Variants in RAD51B observed in about 807,000 individuals in gnomAD.
The protein encoded by RAD51B is RAD51 paralog B.
Under a neutral mutation model 42.2 loss-of-function variants are expected in RAD51B, and 38 were observed. The ratio of observed to expected loss-of-function variants is 0.90; its 90% CI spans 0.70 to 1.18. RAD51B has a LOEUF of 1.18. Ranked by LOEUF, RAD51B falls within the 50% of genes most tolerant of loss-of-function variation. The probability of loss-of-function intolerance (pLI) is 0.00; values close to 1 mark genes in which losing one functional copy is unlikely to be tolerated. For synonymous variants in RAD51B, 154 were observed against 145.2 expected, an observed-to-expected ratio of 1.06 and a Z score of -0.43; for missense variants, 373 against 400.7, an observed-to-expected ratio of 0.93 and a Z score of 0.59.
At chr14:68,170,082 T>A (rs942968485) in intron 7 of RAD51B, among the ~76,000 whole-genome samples, 9 of 152,186 alleles carry the variant, frequency 5.9e-5, no homozygotes, top group Non-Finnish European at 8.8e-5. Flanking sequence ...TTCTGACTTC[T>A]CCATTAGGGA....
At chr14:68,477,458 G>A (rs1173840549) in intron 10 of RAD51B, among the ~76,000 whole-genome samples, 190 bp from the exon 11 acceptor site, 1 of 152,122 alleles carries the variant, frequency 6.6e-6, no homozygotes, top group Non-Finnish European at 1.5e-5. Context: ...CCAGGGCTGC[G>A]GGACCCTAAC....
chr14:68,595,067 T>C, exon 11 of RAD51B: 1 of 1,069,010 alleles, frequency 9.4e-7, no homozygotes, highest in Non-Finnish European at 1.1e-6. Context: ...TCAGTGCTCC[T>C]GAGCCGATGC....
intron 7 of RAD51B, among the ~76,000 whole-genome samples, chr14:67,964,590 G>GT (rs980098581): frequency 1.3e-5 from 2 of 152,074 alleles, no homozygotes; most frequent in Admixed American, 1.3e-4. Context: ...TCCTCCTAAG[G>GT]TTTTTTAACA....
chr14:67,981,959 C>T (rs530797140), intron 7 of RAD51B, among the ~76,000 whole-genome samples: 17 of 152,242 alleles, frequency 1.1e-4, no homozygotes, highest in Non-Finnish European at 2.4e-4. Flanking sequence ...ATTTTTGAGA[C>T]AGAGTCTCGC....
At chr14:68,243,812 C>T in intron 7 of RAD51B, among the ~76,000 whole-genome samples, 1 of 152,116 alleles carries the variant, frequency 6.6e-6, no homozygotes, top group East Asian at 1.9e-4. Flanking sequence ...AAACAACTGA[C>T]CTTTCATTTC....
At chr14:68,405,936 C>T (rs543398938) in intron 8 of RAD51B, among the ~76,000 whole-genome samples, 3 of 152,066 alleles carry the variant, frequency 2.0e-5, no homozygotes, top group Admixed American at 2.0e-4. Context: ...CCCTTGATCC[C>T]ATCACTTAGC....
chr14:67,900,288 C>T (rs577511253), intron 7 of RAD51B, among the ~76,000 whole-genome samples: 3 of 152,202 alleles, frequency 2.0e-5, no homozygotes, highest in African/African-American at 4.8e-5. Context: ...GAACAATATT[C>T]TCAGAATTGG....
At chr14:67,842,148 G>A (rs776484655) in intron 4 of RAD51B, among the ~76,000 whole-genome samples, 2 of 151,946 alleles carry the variant, frequency 1.3e-5, no homozygotes, top group Non-Finnish European at 2.9e-5. Context: ...TTTTTGTGTA[G>A]CTATTGTAAA....
intron 7 of RAD51B, among the ~76,000 whole-genome samples, chr14:67,964,363 G>A (rs2074726454): frequency 6.6e-6 from 1 of 152,146 alleles, no homozygotes; most frequent in African/African-American, 2.4e-5. Flanking sequence ...ACTTGACTTG[G>A]CAGAAGATTA....
chr14:68,302,202 G>A (rs892146406), intron 8 of RAD51B, among the ~76,000 whole-genome samples: 2 of 152,178 alleles, frequency 1.3e-5, no homozygotes, highest in Non-Finnish European at 2.9e-5. Context: ...TGTTAGACAG[G>A]TGCTTGGGAC....
chr14:68,494,197 T>C (rs1884312052), intron 10 of RAD51B, among the ~76,000 whole-genome samples: 1 of 151,462 alleles, frequency 6.6e-6, no homozygotes. Context: ...GGAGAATCCC[T>C]TGAACCTGGG....
chr14:68,582,174 A>G (rs1312533475), intron 10 of RAD51B, among the ~76,000 whole-genome samples: 1 of 152,256 alleles, frequency 6.6e-6, no homozygotes, highest in Non-Finnish European at 1.5e-5. Flanking sequence ...TAATTAAGCT[A>G]AAGAGCTTCT....
intron 7 of RAD51B, among the ~76,000 whole-genome samples, chr14:68,279,196 G>A (rs1352524214): frequency 1.3e-5 from 2 of 152,212 alleles, no homozygotes; most frequent in East Asian, 3.9e-4. Context: ...GTGCTAGGGA[G>A]GGCAGGAGGA....
chr14:67,993,347 C>T (rs183024719), intron 7 of RAD51B, among the ~76,000 whole-genome samples: 9 of 152,256 alleles, frequency 5.9e-5, no homozygotes, highest in East Asian at 1.9e-4. Flanking sequence ...CATCCCGCTA[C>T]ACTCCCCAGC....
intron 7 of RAD51B, among the ~76,000 whole-genome samples, chr14:68,277,365 G>A (rs1173183538): frequency 6.6e-6 from 1 of 152,208 alleles, no homozygotes; most frequent in South Asian, 2.1e-4. Flanking sequence ...CAGAAAGCCA[G>A]TAAGACCTAG....
intron 7 of RAD51B, among the ~76,000 whole-genome samples, chr14:68,236,046 A>G (rs1036047179): frequency 1.2e-4 from 19 of 152,132 alleles, no homozygotes; most frequent in Non-Finnish European, 1.9e-4. Flanking sequence ...AACAGACACC[A>G]GGGCCTACTT....
At chr14:68,472,002 T>C (rs1366099351) in intron 10 of RAD51B, 1 of 152,296 alleles carries the variant, frequency 6.6e-6, no homozygotes, top group Non-Finnish European at 1.5e-5. Flanking sequence ...ATGAATCCAT[T>C]TTTCCTTTGG....
At chr14:68,260,727 A>G (rs574166364) in intron 7 of RAD51B, among the ~76,000 whole-genome samples, 11 of 152,278 alleles carry the variant, frequency 7.2e-5, no homozygotes, top group African/African-American at 2.4e-4. Context: ...TTGCTTCTGC[A>G]GTTTTCTTAA....
intron 7 of RAD51B, among the ~76,000 whole-genome samples, chr14:68,037,418 A>G (rs1413624073): frequency 6.6e-6 from 1 of 151,216 alleles, no homozygotes; most frequent in Admixed American, 6.6e-5. Flanking sequence ...ACAGGGTTTT[A>G]CCACGTTGGC....
Sources: allele counts gnomAD v4.1 joint callset (sites outside exome capture counted in the v4.1 genomes callset), GRCh38; gene constraint gnomAD v4.1.1; transcripts MANE v1.5; gene names NCBI Gene and HGNC (gene_info 2026-07-23, HGNC 2026-07-21).